NRXN1: variants seen among roughly 807,000 people sequenced by gnomAD.
NRXN1 encodes the protein neurexin-1.
In NRXN1, 39 loss-of-function variants were observed where a neutral mutation model predicts 150.9. The observed-to-expected ratio is 0.26, with a 90% CI of 0.20 to 0.34. The LOEUF is 0.34. Ranked by LOEUF, NRXN1 falls within the 10% of genes least tolerant of loss-of-function variation. NRXN1 has a pLI of 1.00. For missense variants in NRXN1, 1,815 were observed against 1,949.9 expected (o/e 0.93, Z 1.30); for synonymous variants, 924 against 757.0 (o/e 1.22, Z -3.62).
At chr2:50,087,622 C>T (rs1037413499) in intron 19 of NRXN1, among the ~76,000 whole-genome samples, 5 of 152,086 alleles carry the variant, frequency 3.3e-5, no homozygotes, top group African/African-American at 9.7e-5. Flanking sequence ...ATGGCTTTCT[C>T]AACTTTAAAT....
rs536022055 is a variant in NRXN1 at position 50,445,955 on chromosome 2, T to C, written c.3364+19487A>G. ...GGTATTGACATTCTCAATTTCTTTA[T>C]CTTTTTAAATAGACATTAAAAAATT... On this transcript the variant is annotated intron_variant, in intron 17 of 22. Transcript: ENST00000401669. Among the ~76,000 whole-genome samples, 9 of 152,290 alleles carry C rather than the reference T, an allele frequency of 5.9e-5. No homozygotes were observed. The South Asian group carries it at 6.2e-4, about 11-fold the overall frequency.
intron 18 of NRXN1, among the ~76,000 whole-genome samples, chr2:50,212,666 G>A (rs1396674283): frequency 2.0e-5 from 3 of 151,794 alleles, no homozygotes; most frequent in African/African-American, 7.2e-5. Flanking sequence ...CGAGGCAGAG[G>A]AGGAGCATTC....
At chr2:50,688,530 G>A (rs1384363070) in intron 5 of NRXN1, among the ~76,000 whole-genome samples, 1 of 152,100 alleles carries the variant, frequency 6.6e-6, no homozygotes, top group Non-Finnish European at 1.5e-5. Flanking sequence ...AGAAGAAATT[G>A]ATTTGTTTTG....
At chr2:50,991,595 C>T (rs1209205638) in intron 2 of NRXN1, among the ~76,000 whole-genome samples, 3 of 151,952 alleles carry the variant, frequency 2.0e-5, no homozygotes, top group Non-Finnish European at 2.9e-5. Flanking sequence ...TGTCATTCAC[C>T]CATCTATCCT....
At chr2:50,318,728 T>A (rs1361161671) in intron 17 of NRXN1, among the ~76,000 whole-genome samples, 1 of 152,138 alleles carries the variant, frequency 6.6e-6, no homozygotes, top group African/African-American at 2.4e-5. Context: ...AAACAGTATA[T>A]CATTTACTGA....
At chr2:50,862,202 CAAAAA>C (rs370954338) in intron 5 of NRXN1, among the ~76,000 whole-genome samples, 1 of 76,318 alleles carries the variant, frequency 1.3e-5, no homozygotes, top group Non-Finnish European at 2.6e-5. Context: ...GATTCCATCT[CAAAAA>C]AAAAAAAAAA....
At chr2:50,498,317 A>G (rs551303326) in intron 13 of NRXN1, among the ~76,000 whole-genome samples, 1 of 152,314 alleles carries the variant, frequency 6.6e-6, no homozygotes, top group Admixed American at 6.5e-5. Flanking sequence ...AATAATGACC[A>G]TAGTTTTTGT....
At chr2:50,031,564 T>A (rs1169066341) in intron 21 of NRXN1, among the ~76,000 whole-genome samples, 9 of 152,122 alleles carry the variant, frequency 5.9e-5, no homozygotes, top group Non-Finnish European at 1.2e-4. Flanking sequence ...TCTTTTAACA[T>A]GATGAAGTTG....
chr2:50,014,651 T>C (rs1027094017), intron 21 of NRXN1, among the ~76,000 whole-genome samples: 28 of 152,294 alleles, frequency 1.8e-4, no homozygotes, highest in African/African-American at 6.7e-4. Context: ...TAATTCTTTT[T>C]TTATTGCCTC....
intron 5 of NRXN1, among the ~76,000 whole-genome samples, chr2:50,892,451 T>A (rs1184865205): frequency 1.3e-5 from 2 of 152,124 alleles, no homozygotes; most frequent in African/African-American, 4.8e-5. Context: ...CCCAGTATAA[T>A]ATGTTTTTCC....
At chr2:50,320,856 A>G (rs1437406806) in intron 17 of NRXN1, among the ~76,000 whole-genome samples, 1 of 152,172 alleles carries the variant, frequency 6.6e-6, no homozygotes, top group Non-Finnish European at 1.5e-5. Context: ...TGTGCATTGA[A>G]TGCCATCTGA....
chr2:50,504,286 C>A lies in NRXN1; in HGVS notation c.2497+2209G>T, dbSNP rs184925002. On this transcript the variant is annotated intron_variant, in intron 13 of 22. Transcript: ENST00000401669. ...TTAGAAAAATAAATTGTTATCTATG[C>A]AAACTTTACTGAAGTCAGTGGCTTT... Among the ~76,000 whole-genome samples the A allele has an allele frequency of 3.7e-3, 569 of 152,174 alleles. 13 individuals are homozygous for A. Among genetic ancestry groups the A allele is most frequent in the Admixed American group, 0.032 (487 of 15,262 alleles).
intron 8 of NRXN1, among the ~76,000 whole-genome samples, chr2:50,606,903 C>A (rs72885609): frequency 6.6e-6 from 1 of 151,704 alleles, no homozygotes; most frequent in Admixed American, 6.6e-5. Context: ...AATTGCTTCG[C>A]GTGTTATGTG....
chr2:50,471,263 C>A lies in NRXN1; in HGVS notation c.3244+1035G>T, dbSNP rs527783729. On this transcript the variant is annotated intron_variant, in intron 16 of 22. Coordinates refer to ENST00000401669, the MANE Select transcript of NRXN1 (RefSeq NM_001330078.2). ...ATCATTCAATCCCCTTCCCACGATT[C>A]CAGCTTGTGAGCCTCCAATGTCCCT... Among the ~76,000 whole-genome samples, 3 of 151,718 alleles carry A rather than the reference C, an allele frequency of 2.0e-5. No individual in the cohort carries two copies. The South Asian group carries it at 6.2e-4, about 31-fold the overall frequency.
intron 8 of NRXN1, among the ~76,000 whole-genome samples, chr2:50,608,759 A>G (rs1402452246): frequency 6.6e-6 from 1 of 152,180 alleles, no homozygotes; most frequent in Non-Finnish European, 1.5e-5. Context: ...TCAGACGCTC[A>G]TATGAGACTC....
At chr2:50,390,379 T>G (rs1032863277) in intron 17 of NRXN1, among the ~76,000 whole-genome samples, 3 of 152,164 alleles carry the variant, frequency 2.0e-5, no homozygotes, top group Admixed American at 6.5e-5. Flanking sequence ...ATTTGAAAAC[T>G]TATAATTTAA....
At chr2:50,592,968 C>A (rs1474158224) in intron 8 of NRXN1, among the ~76,000 whole-genome samples, 1 of 152,162 alleles carries the variant, frequency 6.6e-6, no homozygotes, top group Non-Finnish European at 1.5e-5. Context: ...CCAAATGGAC[C>A]ATAATCAAGG....
chr2:50,472,819 GTGTGTGTGTGTATA>G (rs1177561685), intron 15 of NRXN1, among the ~76,000 whole-genome samples: 3 of 131,252 alleles, frequency 2.3e-5, no homozygotes, highest in South Asian at 2.8e-4. Flanking sequence ...GTGTGTGTGT[GTGTGTGTGTGTATA>G]TATATATATA....
Position 50,347,041 on chromosome 2 carries a change from T to G in NRXN1, c.3365-110071A>C. Reference sequence around the variant, plus strand: ...GCGCAGGGGAGCGGGCGGCGCGGAGTGGGCTGAGGGGCCGGCCGCCTCACC... The same window carrying G: ...GCGCAGGGGAGCGGGCGGCGCGGAGGGGGCTGAGGGGCCGGCCGCCTCACC... On this transcript the variant is annotated intron_variant, in intron 17 of 22. Coordinates refer to ENST00000401669, the MANE Select transcript of NRXN1 (RefSeq NM_001330078.2). The surrounding 1 kb of genome is among the most constrained non-coding windows in gnomAD (Gnocchi z 4.9). 10 of 1,363,162 alleles carry G rather than the reference T, an allele frequency of 7.3e-6. No individual in the cohort carries two copies. Among genetic ancestry groups the G allele is most frequent in the Non-Finnish European group, 9.6e-6 (10 of 1,046,290 alleles). 84.4% of individuals were successfully genotyped at this position (1,363,162 alleles called of 1,614,324 possible).
Sources: allele counts gnomAD v4.1 joint callset (sites outside exome capture counted in the v4.1 genomes callset), GRCh38; gene constraint gnomAD v4.1.1; non-coding constraint Gnocchi (gnomAD v3.1); transcripts MANE v1.5; gene names NCBI Gene and HGNC (gene_info 2026-07-23, HGNC 2026-07-21).